PTPRN2: variants seen among roughly 807,000 people sequenced by gnomAD.
PTPRN2 encodes the protein protein tyrosine phosphatase receptor type N2.
Under a neutral mutation model 118.8 loss-of-function variants are expected in PTPRN2, and 74 were observed. The observed-to-expected ratio is 0.62, with a 90% confidence interval of 0.52 to 0.76. The LOEUF is 0.76. Ranked by LOEUF, PTPRN2 falls within the 30% of genes least tolerant of loss-of-function variation. PTPRN2 has a pLI of 0.00. For synonymous variants in PTPRN2, 641 were observed against 608.0 expected, an observed-to-expected ratio of 1.05 and a Z score of -0.80; for missense variants, 1,481 against 1,394.4, an observed-to-expected ratio of 1.06 and a Z score of -0.99.
intron 9 of PTPRN2, among the ~76,000 whole-genome samples, chr7:158,117,140 T>C (rs768800680): frequency 4.6e-4 from 70 of 152,076 alleles, no homozygotes; most frequent in Non-Finnish European, 8.5e-4. Context: ...AAAACAATTG[T>C]CATAAAAATG....
rs116381855 is a variant in PTPRN2, at chr7:158,532,446, C to T, written c.113-42661G>A. 8.8e-3 allele frequency among the ~76,000 whole-genome samples: 1,336 copies of T among 152,244 alleles called. 26 individuals are homozygous for T. Among genetic ancestry groups the T allele is most frequent in the African/African-American group, 0.031 (1,283 of 41,540 alleles). ...AGTCACGTGCCCCACAGAGTCATCA[C>T]GGAGACAGCAGAGACAGCCATGAGA... On this transcript the variant is annotated intron_variant, in intron 1 of 22. Transcript: ENST00000389418.
chr7:157,789,755 G>C (rs1389272458), intron 12 of PTPRN2, among the ~76,000 whole-genome samples: 1 of 150,590 alleles, frequency 6.6e-6, no homozygotes, highest in Non-Finnish European at 1.5e-5. Flanking sequence ...TGGTGTGTGT[G>C]GGGTATATGT....
intron 11 of PTPRN2, among the ~76,000 whole-genome samples, chr7:157,925,515 C>G (rs537344052): frequency 1.3e-5 from 2 of 152,254 alleles, no homozygotes; most frequent in African/African-American, 4.8e-5. Context: ...GGGTCCCAAC[C>G]TGGCCTGGCC....
chr7:157,566,103 G>T (rs751511804), intron 21 of PTPRN2, among the ~76,000 whole-genome samples: 5 of 152,236 alleles, frequency 3.3e-5, no homozygotes, highest in Admixed American at 2.0e-4. Context: ...GGGCTGTGTG[G>T]ACAAGTGCTG....
At chr7:158,331,101 C>T (rs59273703) in intron 2 of PTPRN2, among the ~76,000 whole-genome samples, 3 of 137,728 alleles carry the variant, frequency 2.2e-5, no homozygotes, top group African/African-American at 5.6e-5. Flanking sequence ...TGCCCGCAGA[C>T]GTCACTCACA....
At position 157,550,873 on chromosome 7, in the gene PTPRN2, G is replaced by A. The variant is rs1014624927; in HGVS notation, c.2903-1854C>T. Among the ~76,000 whole-genome samples the A allele has an allele frequency of 3.9e-5, 6 of 152,214 alleles. No individual in the cohort carries two copies. Among genetic ancestry groups the A allele is most frequent in the African/African-American group, 1.4e-4 (6 of 41,452 alleles). ...TTTTGGGTCTCCAAAGGCCTAAAAA[G>A]TCGACAAGGCTACAGTAAATACAAT... On this transcript the variant is annotated intron_variant, in intron 21 of 22. Transcript: ENST00000389418. This position sits in a 1 kb window ranked among gnomAD's most constrained non-coding sequence, Gnocchi z 5.2.
At chr7:157,975,557 G>A (rs1802680295) in intron 11 of PTPRN2, among the ~76,000 whole-genome samples, 1 of 152,098 alleles carries the variant, frequency 6.6e-6, no homozygotes, top group African/African-American at 2.4e-5. Flanking sequence ...ACACAAACTT[G>A]GGCGAGCTCC....
chr7:158,157,627 C>CCA (rs746112041), intron 6 of PTPRN2, among the ~76,000 whole-genome samples: 7 of 152,260 alleles, frequency 4.6e-5, no homozygotes, highest in Non-Finnish European at 1.0e-4. Flanking sequence ...AGGCTGCCAG[C>CCA]CACACACGGC....
chr7:158,215,011 T>C (rs1033920115), intron 3 of PTPRN2, among the ~76,000 whole-genome samples: 1 of 151,702 alleles, frequency 6.6e-6, no homozygotes, highest in Non-Finnish European at 1.5e-5. Context: ...ACAAAATAAA[T>C]AGAAAAGAGA....
intron 6 of PTPRN2, among the ~76,000 whole-genome samples, chr7:158,153,453 G>A (rs1044366138): frequency 6.6e-6 from 1 of 152,152 alleles, no homozygotes; most frequent in African/African-American, 2.4e-5. Flanking sequence ...TGGGGCTTTA[G>A]GAGCTGTAAA....
chr7:158,446,887 C>A (rs1365960806), intron 2 of PTPRN2, among the ~76,000 whole-genome samples: 1 of 152,232 alleles, frequency 6.6e-6, no homozygotes, highest in Non-Finnish European at 1.5e-5. Flanking sequence ...CTGAAGGCGG[C>A]CGGCCTGCAG....
intron 11 of PTPRN2, among the ~76,000 whole-genome samples, chr7:158,026,618 C>G (rs1807294764): frequency 1.3e-5 from 2 of 152,208 alleles, no homozygotes; most frequent in African/African-American, 4.8e-5. Context: ...AACCGAGACC[C>G]TCTTCCACGT....
intron 9 of PTPRN2, among the ~76,000 whole-genome samples, chr7:158,114,092 C>A (rs1816530657): frequency 6.6e-6 from 1 of 152,198 alleles, no homozygotes; most frequent in Non-Finnish European, 1.5e-5. Context: ...AACAAAAAAA[C>A]CCTTTGTAGG....
At chr7:157,949,471 C>T (rs1018682198) in intron 11 of PTPRN2, among the ~76,000 whole-genome samples, 12 of 152,202 alleles carry the variant, frequency 7.9e-5, no homozygotes, top group African/African-American at 2.9e-4. Flanking sequence ...CCTCTTTGTG[C>T]TACCCAGCAC....
At chr7:158,479,580 A>G (rs1820515178) in intron 2 of PTPRN2, among the ~76,000 whole-genome samples, 1 of 152,258 alleles carries the variant, frequency 6.6e-6, no homozygotes, top group Admixed American at 6.5e-5. Context: ...GGCAAAAAAT[A>G]GAATAATAAC....
chr7:157,803,643 G>C (rs1480743524), intron 12 of PTPRN2, among the ~76,000 whole-genome samples: 1 of 152,144 alleles, frequency 6.6e-6, no homozygotes, highest in Non-Finnish European at 1.5e-5. Context: ...CCGTTCTTTT[G>C]CATGTGGACA....
At chr7:158,227,583 G>A (rs535807670) in intron 3 of PTPRN2, among the ~76,000 whole-genome samples, 9 of 152,228 alleles carry the variant, frequency 5.9e-5, no homozygotes, top group South Asian at 2.1e-4. Context: ...TAGATTTTAT[G>A]AGTAGAATTC....
chr7:157,603,220 C>T lies in PTPRN2; in HGVS notation c.2418+782G>A, dbSNP rs1017634580. Among the ~76,000 whole-genome samples the T allele has an allele frequency of 6.6e-6, 1 of 152,252 alleles. No individual in the cohort carries two copies. The highest frequency in any genetic ancestry group is 2.1e-4 in the South Asian group (1 of 4,820). On this transcript the variant is annotated intron_variant, in intron 16 of 22. Coordinates refer to ENST00000389418, the MANE Select transcript of PTPRN2 (RefSeq NM_002847.5). The surrounding 1 kb of genome is among the most constrained non-coding windows in gnomAD (Gnocchi z 5.4). ...GTCCCCAGCCTGTGGCTTCAGCCCT[C>T]TCCATGCTCATATCTCTCCCTCCTC...
At chr7:157,852,094 G>A (rs1177535498) in intron 12 of PTPRN2, among the ~76,000 whole-genome samples, 1 of 152,234 alleles carries the variant, frequency 6.6e-6, no homozygotes, top group African/African-American at 2.4e-5. Context: ...GGTGCCCGCT[G>A]AGGAGTCTGG....
Sources: gnomAD v4.1 joint callset for allele counts (sites outside exome capture counted in the v4.1 genomes callset) on GRCh38, gnomAD v4.1.1 for gene constraint, Gnocchi (gnomAD v3.1) non-coding constraint, MANE v1.5 for transcripts, NCBI Gene and HGNC (gene_info 2026-07-23, HGNC 2026-07-21) for gene names.